The following WWOX variants were observed in gnomAD, a reference collection of about 807,000 sequenced individuals.
WWOX encodes the protein WW domain containing oxidoreductase, also known as WW domain-containing oxidoreductase.
WWOX carries 69 observed loss-of-function variants against 46.2 expected under a neutral mutation model. The ratio of observed to expected loss-of-function variants is 1.49; its 90% CI spans 1.23 to 1.82. The LOEUF (loss-of-function observed/expected upper bound fraction) is 1.82, where lower values mean the gene tolerates loss of function less well. Among genes scored for constraint, WWOX ranks in the 40% most tolerant of loss-of-function variants. The pLI is 0.00. For missense variants in WWOX, 919 were observed against 542.6 expected (o/e 1.69, Z -6.89); for synonymous variants, 359 against 202.6 (o/e 1.77, Z -6.56).
intron 7 of WWOX, among the ~76,000 whole-genome samples, 194 bp downstream of exon 7, chr16:78,425,249 C>G (rs1441104922): frequency 7.2e-5 from 11 of 152,054 alleles, no homozygotes; most frequent in Admixed American, 2.0e-4. Context: ...GAAGGACTTT[C>G]TAGAGCAAGG....
chr16:78,784,296 A>T (rs1056718060), intron 8 of WWOX, among the ~76,000 whole-genome samples: 1 of 152,162 alleles, frequency 6.6e-6, no homozygotes, highest in African/African-American at 2.4e-5. Context: ...GAAAAGAGAC[A>T]GCCAGTCAAG....
chr16:78,924,721 A>C (rs779788471), intron 8 of WWOX, among the ~76,000 whole-genome samples: 1 of 152,226 alleles, frequency 6.6e-6, no homozygotes, highest in Non-Finnish European at 1.5e-5. Context: ...GAATAAGTTT[A>C]TAATCTGGTC....
intron 8 of WWOX, among the ~76,000 whole-genome samples, chr16:78,606,628 G>T (rs1208109312): frequency 1.3e-5 from 2 of 151,426 alleles, no homozygotes; most frequent in African/African-American, 2.4e-5. Flanking sequence ...GCGAAAATCA[G>T]TGACACGAAG....
intron 8 of WWOX, among the ~76,000 whole-genome samples, chr16:78,513,894 T>TC (rs34101872): frequency 0.043 from 4,915 of 115,376 alleles, 223 homozygotes; most frequent in South Asian, 0.081. Flanking sequence ...CAGTTCCCAC[T>TC]CCCCCCCCCC....
At chr16:79,144,730 T>G (rs984890741) in intron 8 of WWOX, among the ~76,000 whole-genome samples, 4 of 152,242 alleles carry the variant, frequency 2.6e-5, no homozygotes, top group African/African-American at 4.8e-5. Context: ...AGTCCTTAAT[T>G]ACAGTTTTGG....
chr16:78,676,072 A>C (rs2047591114), intron 8 of WWOX, among the ~76,000 whole-genome samples: 2 of 152,090 alleles, frequency 1.3e-5, no homozygotes, highest in Non-Finnish European at 2.9e-5. Context: ...AGAGTAATCC[A>C]GACGTTACTA....
chr16:78,948,163 C>G (rs1295045356), intron 8 of WWOX, among the ~76,000 whole-genome samples: 1 of 152,196 alleles, frequency 6.6e-6, no homozygotes, highest in Non-Finnish European at 1.5e-5. Flanking sequence ...ACAGGTAACA[C>G]CTGCCTCCGT....
chr16:78,635,385 G>A (rs1052207940), intron 8 of WWOX, among the ~76,000 whole-genome samples: 1 of 152,124 alleles, frequency 6.6e-6, no homozygotes, highest in African/African-American at 2.4e-5. Context: ...GGACCTCTGC[G>A]ACTGCTCATC....
At chr16:78,411,612 T>C (rs1269803281) in intron 6 of WWOX, among the ~76,000 whole-genome samples, 1 of 152,148 alleles carries the variant, frequency 6.6e-6, no homozygotes, top group Non-Finnish European at 1.5e-5. Flanking sequence ...AGCAGACATT[T>C]AGGAACCATT....
intron 8 of WWOX, among the ~76,000 whole-genome samples, chr16:78,617,230 G>A (rs936133427): frequency 2.6e-5 from 4 of 151,908 alleles, no homozygotes; most frequent in East Asian, 1.9e-4. Flanking sequence ...TGGGCAACAC[G>A]GTGAAACTAA....
intron 8 of WWOX, among the ~76,000 whole-genome samples, chr16:78,901,870 C>G (rs976217572): frequency 6.6e-6 from 1 of 152,322 alleles, no homozygotes. Flanking sequence ...TGAATTCACA[C>G]GGGCCTCTCC....
intron 8 of WWOX, among the ~76,000 whole-genome samples, chr16:78,824,378 C>A (rs2051589839): frequency 6.6e-6 from 1 of 152,166 alleles, no homozygotes; most frequent in South Asian, 2.1e-4. Context: ...CTCATTGACT[C>A]TACAACTCTG....
At chr16:78,560,957 C>G (rs1045834483) in intron 8 of WWOX, among the ~76,000 whole-genome samples, 1 of 152,108 alleles carries the variant, frequency 6.6e-6, no homozygotes. Context: ...AGATCAGAAG[C>G]CTAGACACAA....
intron 8 of WWOX, among the ~76,000 whole-genome samples, chr16:78,505,459 T>A (rs1003367746): frequency 6.6e-6 from 1 of 152,078 alleles, no homozygotes; most frequent in Non-Finnish European, 1.5e-5. Flanking sequence ...CTGAAAATCA[T>A]CTTACTTTTT....
chr16:78,993,448 AAG>A (rs1379734357), intron 8 of WWOX, among the ~76,000 whole-genome samples: 3 of 152,164 alleles, frequency 2.0e-5, no homozygotes, highest in African/African-American at 7.2e-5. Flanking sequence ...GCGGCTGGAT[AAG>A]AGAAGAGTAA....
chr16:79,119,747 C>A (rs1465124387), intron 8 of WWOX, among the ~76,000 whole-genome samples: 1 of 152,172 alleles, frequency 6.6e-6, no homozygotes, highest in East Asian at 1.9e-4. Flanking sequence ...ATCATGATGG[C>A]AGTGGCTGGC....
chr16:78,679,779 G>T (rs1197759877), intron 8 of WWOX, among the ~76,000 whole-genome samples: 4 of 152,194 alleles, frequency 2.6e-5, no homozygotes, highest in South Asian at 2.1e-4. Flanking sequence ...ATTGATGGCT[G>T]CCAAGAGAAC....
chr16:79,084,093 G>C (rs1452532692), intron 8 of WWOX, among the ~76,000 whole-genome samples: 2 of 152,262 alleles, frequency 1.3e-5, no homozygotes, highest in East Asian at 3.9e-4. Context: ...GTGGAGAGTG[G>C]CTGAGAAACC....
intron 5 of WWOX, among the ~76,000 whole-genome samples, chr16:78,336,516 A>AAC (rs2080891885): frequency 6.6e-6 from 1 of 150,548 alleles, no homozygotes; most frequent in Non-Finnish European, 1.5e-5. Flanking sequence ...AAAAAAAAAA[A>AAC]AAAAAAAAAG....
Sources: gnomAD v4.1 joint callset for allele counts (sites outside exome capture counted in the v4.1 genomes callset) on GRCh38, gnomAD v4.1.1 for gene constraint, MANE v1.5 for transcripts, NCBI Gene and HGNC (gene_info 2026-07-23, HGNC 2026-07-21) for gene names.